Variants in LRRTM4 observed in about 807,000 individuals in gnomAD.
The protein encoded by LRRTM4 is leucine rich repeat transmembrane neuronal 4.
A neutral mutation model predicts 47.6 loss-of-function variants in LRRTM4; 25 were observed. That is an observed-to-expected ratio of 0.53 (90% CI 0.38 to 0.73). LRRTM4 has a LOEUF of 0.73. LRRTM4 is among the 30% of genes least tolerant of loss of function. LRRTM4 has a pLI of 0.00. For synonymous variants in LRRTM4, 311 were observed against 269.5 expected (o/e 1.15, Z -1.51); for missense variants, 638 against 713.4 (o/e 0.89, Z 1.20).
At chr2:77,052,996 T>A (rs894597121) in intron 3 of LRRTM4, among the ~76,000 whole-genome samples, 2 of 151,606 alleles carry the variant, frequency 1.3e-5, no homozygotes, top group African/African-American at 4.9e-5. Flanking sequence ...AAAAAAACTA[T>A]CAAATGAAAA....
At chr2:77,216,405 G>A (rs1412978151) in intron 3 of LRRTM4, among the ~76,000 whole-genome samples, 2 of 152,138 alleles carry the variant, frequency 1.3e-5, no homozygotes, top group East Asian at 1.9e-4. Context: ...GGTAGCTCAC[G>A]CCTGTAATCC....
intron 3 of LRRTM4, among the ~76,000 whole-genome samples, chr2:77,420,248 T>C (rs1162239743): frequency 6.6e-6 from 1 of 152,138 alleles, no homozygotes; most frequent in East Asian, 1.9e-4. Context: ...AACACATGGA[T>C]TACCTCAAAG....
intron 3 of LRRTM4, among the ~76,000 whole-genome samples, chr2:77,217,980 A>AT (rs983933571): frequency 3.3e-5 from 5 of 151,354 alleles, no homozygotes; most frequent in African/African-American, 4.8e-5. Flanking sequence ...ACTGAGCTTT[A>AT]TTTTTTTTTA....
rs186676513 is a variant in LRRTM4, at chr2:77,113,920, G to C, written c.1552-365004C>G. On this transcript the variant is annotated intron_variant, in intron 3 of 3. Coordinates refer to ENST00000409884, the MANE Select transcript of LRRTM4 (RefSeq NM_001134745.3). The stretch of plus-strand genomic sequence containing the variant: ...ATATGGCCCAGGGCTGTCCTATTCG[G>C]GGCCGCGGAAGCTGCAAGTAGCGGC... Among the ~76,000 whole-genome samples the C allele has an allele frequency of 1.5e-4, 23 of 152,214 alleles. No individual in the cohort carries two copies. The Middle Eastern group carries it at 0.01, about 68-fold the overall frequency.
chr2:76,815,301 G>A (rs1670867645), intron 3 of LRRTM4, among the ~76,000 whole-genome samples: 2 of 152,024 alleles, frequency 1.3e-5, no homozygotes, highest in South Asian at 4.1e-4. Context: ...GGTTACTTTG[G>A]TTAACGGGTG....
At chr2:77,102,220 T>G (rs532961131) in intron 3 of LRRTM4, among the ~76,000 whole-genome samples, 1 of 152,336 alleles carries the variant, frequency 6.6e-6, no homozygotes, top group African/African-American at 2.4e-5. Context: ...CACCCTCATG[T>G]GGTTCTAGGT....
intron 3 of LRRTM4, among the ~76,000 whole-genome samples, chr2:77,467,512 T>C (rs922002980): frequency 6.6e-6 from 1 of 152,230 alleles, no homozygotes; most frequent in African/African-American, 2.4e-5. Flanking sequence ...CATACTCACT[T>C]ACACATTTAT....
At chr2:77,515,070 T>C (rs2104113850) in intron 3 of LRRTM4, among the ~76,000 whole-genome samples, 1 of 151,998 alleles carries the variant, frequency 6.6e-6, no homozygotes, top group African/African-American at 2.4e-5. Context: ...ATACTGAGGA[T>C]GTATGTACTA....
In LRRTM4 at chr2:76,976,837, T is replaced by C. The variant is rs190485397; in HGVS notation, c.1552-227921A>G. ...ATTTTCAAAAAGCCAGGAGAGAGGA[T>C]TTTGAATGCTCATAACACAAAGAAA... On this transcript the variant is annotated intron_variant, in intron 3 of 3. Transcript: ENST00000409884. Among the ~76,000 whole-genome samples the C allele has an allele frequency of 3.9e-3, 595 of 151,902 alleles. 5 individuals are homozygous for C. Among genetic ancestry groups the C allele is most frequent in the African/African-American group, 0.013 (530 of 41,512 alleles).
chr2:76,804,548 G>T (rs1270890078), intron 3 of LRRTM4, among the ~76,000 whole-genome samples: 2 of 150,874 alleles, frequency 1.3e-5, no homozygotes, highest in East Asian at 3.9e-4. Context: ...CCTTTTTCAT[G>T]CCCTGTTAAA....
chr2:77,098,269 G>T (rs953456120), intron 3 of LRRTM4, among the ~76,000 whole-genome samples: 1 of 151,992 alleles, frequency 6.6e-6, no homozygotes, highest in Non-Finnish European at 1.5e-5. Context: ...CATTACACCA[G>T]TGTGGTAATC....
chr2:77,247,641 C>T (rs1675483645), intron 3 of LRRTM4, among the ~76,000 whole-genome samples: 1 of 152,056 alleles, frequency 6.6e-6, no homozygotes, highest in Non-Finnish European at 1.5e-5. Context: ...CTCACCACAG[C>T]TCCCTGTGCT....
At chr2:76,972,934 C>G (rs973416271) in intron 3 of LRRTM4, among the ~76,000 whole-genome samples, 1 of 151,912 alleles carries the variant, frequency 6.6e-6, no homozygotes, top group African/African-American at 2.4e-5. Flanking sequence ...TCTGTGTTTC[C>G]TTTTCCTGCA....
At chr2:77,035,963 T>C (rs1338725446) in intron 3 of LRRTM4, among the ~76,000 whole-genome samples, 1 of 151,864 alleles carries the variant, frequency 6.6e-6, no homozygotes. Context: ...CATACCTCTC[T>C]AGAGTGTTAC....
intron 3 of LRRTM4, among the ~76,000 whole-genome samples, chr2:76,778,627 T>C (rs1229034458): frequency 6.6e-6 from 1 of 152,210 alleles, no homozygotes; most frequent in Admixed American, 6.5e-5. Context: ...CATTTTTTAC[T>C]GCATCCATTT....
intron 3 of LRRTM4, among the ~76,000 whole-genome samples, chr2:76,859,159 G>A (rs1193323728): frequency 6.6e-6 from 1 of 152,172 alleles, no homozygotes; most frequent in Non-Finnish European, 1.5e-5. Context: ...GGACTGAAAA[G>A]TATCATATTT....
chr2:77,029,054 T>A (rs191004075), intron 3 of LRRTM4, among the ~76,000 whole-genome samples: 23,256 of 99,174 alleles, frequency 0.23, 2,013 homozygotes, highest in Non-Finnish European at 0.26. Context: ...CACACACAAA[T>A]ATATATATAT....
intron 3 of LRRTM4, among the ~76,000 whole-genome samples, chr2:76,879,352 C>T (rs1265016178): frequency 6.6e-6 from 1 of 152,120 alleles, no homozygotes; most frequent in African/African-American, 2.4e-5. Flanking sequence ...AGCCAATGCT[C>T]ATTTACCATT....
intron 3 of LRRTM4, among the ~76,000 whole-genome samples, chr2:77,353,676 G>A (rs59018594): frequency 0.17 from 25,965 of 151,740 alleles, 3,437 homozygotes; most frequent in African/African-American, 0.37. Flanking sequence ...GTGTAAGAAT[G>A]CTGCTTAATT....
Sources: gnomAD v4.1 joint callset for allele counts (sites outside exome capture counted in the v4.1 genomes callset) on GRCh38, gnomAD v4.1.1 for gene constraint, MANE v1.5 for transcripts, NCBI Gene and HGNC (gene_info 2026-07-23, HGNC 2026-07-21) for gene names.